GALNT13: variants seen among roughly 807,000 people sequenced by gnomAD.
GALNT13 encodes UDP-GalNAc:polypeptide N-acetylgalactosaminyltransferase 13.
Under a neutral mutation model 64.2 loss-of-function variants are expected in GALNT13, and 28 were observed. The ratio of observed to expected loss-of-function variants is 0.44; its 90% CI spans 0.32 to 0.60. The LOEUF (loss-of-function observed/expected upper bound fraction) is 0.60. Ranked by LOEUF, GALNT13 falls within the 20% of genes least tolerant of loss-of-function variation. The probability of loss-of-function intolerance (pLI) is 0.05; values close to 1 mark genes in which losing one functional copy is unlikely to be tolerated. For synonymous variants in GALNT13, 214 were observed against 224.6 expected (o/e 0.95, Z 0.42); for missense variants, 577 against 669.8 (o/e 0.86, Z 1.53).
chr2:153,174,700 T>C, the GALNT13 span, among the ~76,000 whole-genome samples: 1 of 152,316 alleles, frequency 6.6e-6, no homozygotes, highest in East Asian at 1.9e-4. Flanking sequence ...CAACAAAATA[T>C]AATTCAGCCA....
chr2:153,956,382 C>T (rs1692571031), intron 3 of GALNT13, among the ~76,000 whole-genome samples: 1 of 152,048 alleles, frequency 6.6e-6, no homozygotes, highest in African/African-American at 2.4e-5. Flanking sequence ...ATATAGAGAC[C>T]ATTTTCTAAA....
chr2:154,225,193 GATAC>G lies in GALNT13; in HGVS notation c.312-16835_312-16832del, dbSNP rs750563971. Among the ~76,000 whole-genome samples the G allele has an allele frequency of 8.5e-3, 1,261 of 149,028 alleles. 10 individuals are homozygous for G. The highest frequency in any genetic ancestry group is 0.011 in the Non-Finnish European group (751 of 66,766). On this transcript the variant is annotated intron_variant, in intron 4 of 12. Coordinates refer to ENST00000392825, the MANE Select transcript of GALNT13 (RefSeq NM_052917.4). ...AGATAGATAGATAGATAGATAGATA[GATAC>G]AGAGACTGAGAGACTGAGAGAAAAT...
chr2:154,296,330 C>T (rs549121694), intron 8 of GALNT13, among the ~76,000 whole-genome samples: 34 of 152,262 alleles, frequency 2.2e-4, no homozygotes, highest in African/African-American at 7.9e-4. Context: ...TGAACACATT[C>T]TTCTCTGCTC....
At chr2:154,197,888 A>G (rs1272264684) in intron 4 of GALNT13, among the ~76,000 whole-genome samples, 4 of 151,992 alleles carry the variant, frequency 2.6e-5, no homozygotes, top group Non-Finnish European at 5.9e-5. Flanking sequence ...AGAAACACAA[A>G]TGGTCAACAA....
chr2:153,228,438 C>T, the GALNT13 span, among the ~76,000 whole-genome samples: 25,126 of 152,052 alleles, frequency 0.17, 2,169 homozygotes, highest in Non-Finnish European at 0.18. Flanking sequence ...AAATCAGTGC[C>T]ACAGTTGCAC....
chr2:154,240,605 C>T (rs562921291), intron 4 of GALNT13, among the ~76,000 whole-genome samples: 9 of 152,268 alleles, frequency 5.9e-5, no homozygotes, highest in Middle Eastern at 6.8e-3. Context: ...AGTATATGGA[C>T]GGACGGGCAG....
chr2:153,322,606 A>G, the GALNT13 span, among the ~76,000 whole-genome samples: 1 of 152,004 alleles, frequency 6.6e-6, no homozygotes, highest in African/African-American at 2.4e-5. Flanking sequence ...GCATCCATCA[A>G]CCCGTTATCT....
the GALNT13 span, among the ~76,000 whole-genome samples, chr2:153,422,856 G>A: frequency 4.6e-5 from 7 of 151,692 alleles, no homozygotes; most frequent in African/African-American, 1.7e-4. Context: ...CGACAAAAAC[G>A]ACAATAACAG....
chr2:153,499,751 G>A, the GALNT13 span, among the ~76,000 whole-genome samples: 1 of 152,226 alleles, frequency 6.6e-6, no homozygotes, highest in Non-Finnish European at 1.5e-5. Context: ...GCCCAGGCTT[G>A]GCTTCAACTT....
the GALNT13 span, among the ~76,000 whole-genome samples, chr2:153,450,094 C>T: frequency 2.0e-5 from 3 of 152,136 alleles, no homozygotes; most frequent in Non-Finnish European, 4.4e-5. Context: ...AAGGCTTCAT[C>T]GTTCAGGGTT....
the GALNT13 span, among the ~76,000 whole-genome samples, chr2:153,519,443 A>G: frequency 6.6e-6 from 1 of 152,200 alleles, no homozygotes; most frequent in Non-Finnish European, 1.5e-5. Context: ...TTAGATTTCC[A>G]ATTGGCTAAC....
chr2:153,430,876 G>A, the GALNT13 span, among the ~76,000 whole-genome samples: 1 of 152,024 alleles, frequency 6.6e-6, no homozygotes, highest in Non-Finnish European at 1.5e-5. Context: ...ACGTAGCCAG[G>A]CATGGTGGCT....
the GALNT13 span, among the ~76,000 whole-genome samples, chr2:153,084,089 G>T: frequency 6.6e-6 from 1 of 152,086 alleles, no homozygotes; most frequent in Non-Finnish European, 1.5e-5. Flanking sequence ...CTGTTCCATT[G>T]GTCTACAAGC....
intron 3 of GALNT13, among the ~76,000 whole-genome samples, chr2:154,095,554 C>T (rs1003535500): frequency 1.3e-5 from 2 of 151,826 alleles, no homozygotes; most frequent in Admixed American, 6.6e-5. Context: ...TCATTCTTAT[C>T]CTTAACTATT....
chr2:153,459,257 G>A, the GALNT13 span, among the ~76,000 whole-genome samples: 35 of 151,942 alleles, frequency 2.3e-4, no homozygotes, highest in African/African-American at 8.5e-4. Context: ...AGAAACATGA[G>A]AGTCATATGG....
chr2:153,440,803 T>C, the GALNT13 span, among the ~76,000 whole-genome samples: 1 of 151,928 alleles, frequency 6.6e-6, no homozygotes, highest in South Asian at 2.1e-4. Flanking sequence ...GTATTGTTTG[T>C]TTTTTTTCTT....
rs1464396107 is a variant in GALNT13, at chr2:153,983,966, G to T, written c.142+39327G>T. ...GTATCACAGAACTGCAATAAATTTT[G>T]CTCGTTAGCTTAAGGAAAGATCTAT... On this transcript the variant is annotated intron_variant, in intron 3 of 12. Transcript: ENST00000392825. Among the ~76,000 whole-genome samples, 4 of 151,798 alleles carry T rather than the reference G, an allele frequency of 2.6e-5. No homozygotes were observed. The East Asian group carries it at 5.8e-4, about 22-fold the overall frequency.
At chr2:154,110,378 CAGAGAG>C (rs1293098530) in intron 3 of GALNT13, among the ~76,000 whole-genome samples, 1 of 50,040 alleles carries the variant, frequency 2.0e-5, no homozygotes, top group Non-Finnish European at 3.5e-5. Flanking sequence ...GAGAGAGAGA[CAGAGAG>C]AGAGAGAGAG....
chr2:153,419,768 A>AG, the GALNT13 span, among the ~76,000 whole-genome samples: 2 of 152,202 alleles, frequency 1.3e-5, no homozygotes, highest in East Asian at 1.9e-4. Flanking sequence ...TATTTACTTT[A>AG]GTTATGCTAT....
Sources: allele counts gnomAD v4.1 joint callset (sites outside exome capture counted in the v4.1 genomes callset), GRCh38; gene constraint gnomAD v4.1.1; transcripts MANE v1.5; gene names NCBI Gene and HGNC (gene_info 2026-07-23, HGNC 2026-07-21).